The following ROR1 variants were observed in gnomAD, a reference collection of about 807,000 sequenced individuals.
ROR1 encodes inactive tyrosine-protein kinase transmembrane receptor ROR1.
Under a neutral mutation model 78.8 loss-of-function variants are expected in ROR1, and 19 were observed. That is an observed-to-expected ratio of 0.24 (90% confidence interval 0.17 to 0.35). ROR1 has a LOEUF of 0.35. Among genes scored for constraint, ROR1 ranks in the 10% least tolerant of loss-of-function variants. ROR1 has a pLI of 1.00. For missense variants in ROR1, 917 were observed against 1,177.8 expected, an observed-to-expected ratio of 0.78 and a Z score of 3.24; for synonymous variants, 386 against 433.6, an observed-to-expected ratio of 0.89 and a Z score of 1.36.
At chr1:64,017,901 G>A (rs1178255713) in intron 2 of ROR1, among the ~76,000 whole-genome samples, 1 of 152,042 alleles carries the variant, frequency 6.6e-6, no homozygotes, top group Non-Finnish European at 1.5e-5. Flanking sequence ...TACTCCCTTG[G>A]TACTATTTTC....
intron 7 of ROR1, among the ~76,000 whole-genome samples, chr1:64,155,286 A>G (rs190095705): frequency 1.3e-5 from 2 of 152,326 alleles, no homozygotes; most frequent in African/African-American, 4.8e-5. Context: ...TCATTGTTCT[A>G]TGGAATATTT....
chr1:63,939,290 G>A (rs1163489166), intron 1 of ROR1, among the ~76,000 whole-genome samples: 1 of 152,138 alleles, frequency 6.6e-6, no homozygotes, highest in Non-Finnish European at 1.5e-5. Context: ...AATGAAATCA[G>A]ATATTTGGGG....
intron 2 of ROR1, among the ~76,000 whole-genome samples, chr1:64,011,569 C>T (rs1164604993): frequency 6.6e-6 from 1 of 152,168 alleles, no homozygotes; most frequent in Admixed American, 6.5e-5. Flanking sequence ...CAGACCAGCA[C>T]TGTAATTAGT....
At chr1:63,950,672 GTCAC>G (rs1247052292) in intron 1 of ROR1, among the ~76,000 whole-genome samples, 1 of 152,198 alleles carries the variant, frequency 6.6e-6, no homozygotes, top group Non-Finnish European at 1.5e-5. Context: ...TCAAGATGGA[GTCAC>G]TCTGGTTCCA....
chr1:64,066,552 G>T (rs1329401804), intron 4 of ROR1: 3 of 152,082 alleles, frequency 2.0e-5, no homozygotes, highest in South Asian at 2.1e-4. Context: ...CTGACCTCGT[G>T]ATCCACCTAC....
At chr1:64,146,347 G>T (rs938176738) in intron 7 of ROR1, among the ~76,000 whole-genome samples, 1 of 152,168 alleles carries the variant, frequency 6.6e-6, no homozygotes, top group Non-Finnish European at 1.5e-5. Flanking sequence ...GTGGTGGCAT[G>T]CACCTGTAAT....
chr1:64,016,199 A>G (rs902995633), intron 2 of ROR1, among the ~76,000 whole-genome samples: 2 of 152,128 alleles, frequency 1.3e-5, no homozygotes, highest in Admixed American at 6.6e-5. Context: ...TTCTGGCTGC[A>G]TTACCCATTT....
intron 1 of ROR1, among the ~76,000 whole-genome samples, chr1:63,967,412 A>G (rs944393452): frequency 1.3e-5 from 2 of 152,158 alleles, no homozygotes; most frequent in African/African-American, 4.8e-5. Flanking sequence ...AAATTTGGAA[A>G]TGGATTCTCG....
intron 1 of ROR1, among the ~76,000 whole-genome samples, chr1:64,006,434 G>A (rs1028357371): frequency 6.6e-6 from 1 of 152,094 alleles, no homozygotes; most frequent in African/African-American, 2.4e-5. Context: ...CAGCAGCATG[G>A]GGCTCAGACT....
intron 1 of ROR1, among the ~76,000 whole-genome samples, chr1:63,974,593 C>T (rs1488757363): frequency 6.6e-6 from 1 of 152,048 alleles, no homozygotes; most frequent in Non-Finnish European, 1.5e-5. Context: ...GTGGACATTA[C>T]TTGAATCTCC....
chr1:64,086,104 G>C (rs984558312), intron 4 of ROR1, among the ~76,000 whole-genome samples: 2 of 152,128 alleles, frequency 1.3e-5, no homozygotes, highest in Admixed American at 6.6e-5. Flanking sequence ...AAAGCTTCCA[G>C]TTCCACCTAA....
At chr1:63,928,435 T>G (rs998457369) in intron 1 of ROR1, among the ~76,000 whole-genome samples, 3 of 152,162 alleles carry the variant, frequency 2.0e-5, no homozygotes, top group Non-Finnish European at 4.4e-5. Context: ...ACTTAGTCAT[T>G]TTACAGCAGG....
intron 2 of ROR1, among the ~76,000 whole-genome samples, chr1:64,018,055 T>C (rs1359954088): frequency 2.0e-5 from 3 of 152,156 alleles, no homozygotes; most frequent in Admixed American, 6.5e-5. Context: ...TCTCCTCCTG[T>C]TGCACCCACT....
chr1:64,042,154 G>T (rs1271517530), intron 2 of ROR1, among the ~76,000 whole-genome samples: 1 of 152,136 alleles, frequency 6.6e-6, no homozygotes, highest in Non-Finnish European at 1.5e-5. Flanking sequence ...ACTGTAGCCA[G>T]GTGTTCTCTT....
intron 1 of ROR1, among the ~76,000 whole-genome samples, chr1:63,815,711 T>C (rs1352050548): frequency 6.6e-6 from 1 of 152,070 alleles, no homozygotes; most frequent in African/African-American, 2.4e-5. Flanking sequence ...TGTGGGAGCT[T>C]TTCTAATTGT....
At chr1:63,968,966 G>T (rs1366178730) in intron 1 of ROR1, among the ~76,000 whole-genome samples, 3 of 152,190 alleles carry the variant, frequency 2.0e-5, no homozygotes, top group Admixed American at 6.5e-5. Flanking sequence ...TTAAATAGGA[G>T]CTTCCTTGGA....
chr1:63,776,384 A>G (rs1644616321), intron 1 of ROR1, among the ~76,000 whole-genome samples: 1 of 152,208 alleles, frequency 6.6e-6, no homozygotes, highest in African/African-American at 2.4e-5. Flanking sequence ...AGGAGGAGCC[A>G]CAGACAAAAC....
chr1:64,051,547 G>A (rs1646831856), intron 4 of ROR1, among the ~76,000 whole-genome samples: 2 of 152,034 alleles, frequency 1.3e-5, no homozygotes, highest in African/African-American at 2.4e-5. Context: ...CCCAAGCTTG[G>A]ACTGAGAGTT....
chr1:64,063,239 G>A (rs764412672), intron 4 of ROR1, among the ~76,000 whole-genome samples: 4 of 152,194 alleles, frequency 2.6e-5, no homozygotes, highest in Non-Finnish European at 4.4e-5. Context: ...AGGTTTGTTT[G>A]TACAGATTCC....
Sources: gnomAD v4.1 joint callset for allele counts (sites outside exome capture counted in the v4.1 genomes callset) on GRCh38, gnomAD v4.1.1 for gene constraint, MANE v1.5 for transcripts, NCBI Gene and HGNC (gene_info 2026-07-23, HGNC 2026-07-21) for gene names.